The following LRP1B variants were observed in gnomAD, a reference collection of about 807,000 sequenced individuals.
LRP1B encodes LDL receptor related protein 1B.
In LRP1B, 217 loss-of-function variants were observed where a neutral mutation model predicts 556.6. The ratio of observed to expected loss-of-function variants is 0.39; its 90% CI spans 0.35 to 0.44. The LOEUF (loss-of-function observed/expected upper bound fraction) is 0.44. Among genes scored for constraint, LRP1B ranks in the 20% least tolerant of loss-of-function variants. The pLI, the probability that LRP1B is intolerant of heterozygous loss-of-function variation, is 1.00. For synonymous variants in LRP1B, 2,047 were observed against 1,865.8 expected (o/e 1.10, Z -2.50); for missense variants, 5,053 against 5,620.8 (o/e 0.90, Z 3.23).
chr2:140,639,080 TC>T (rs1205075973), intron 41 of LRP1B, among the ~76,000 whole-genome samples: 4 of 152,144 alleles, frequency 2.6e-5, no homozygotes, highest in African/African-American at 9.7e-5. Context: ...AGCGATATAT[TC>T]TTGAGAGGCA....
chr2:141,494,515 C>T (rs56875147), intron 2 of LRP1B, among the ~76,000 whole-genome samples: 8,424 of 151,840 alleles, frequency 0.055, 273 homozygotes, highest in Non-Finnish European at 0.067. Flanking sequence ...TGCCTCAGTG[C>T]GCTAAATATT....
In LRP1B at chr2:140,457,671, G is replaced by T; in HGVS notation, c.9626-20C>A. On this transcript the variant is annotated intron_variant, in intron 60 of 90. Transcript: ENST00000389484. ...TAGGGACTGTAATAGGAGATGGTAAGATTAATGTTCAGTCTTGGAAGACTG... is the reference window on the plus strand; with the variant it reads ...TAGGGACTGTAATAGGAGATGGTAATATTAATGTTCAGTCTTGGAAGACTG... 6.3e-7 allele frequency: 1 copy of T among 1,592,138 alleles called. No homozygotes were observed. Among genetic ancestry groups the T allele is most frequent in the South Asian group, 1.1e-5 (1 of 90,410 alleles).
chr2:141,390,235 A>C (rs1230290789), intron 3 of LRP1B, among the ~76,000 whole-genome samples: 1 of 152,148 alleles, frequency 6.6e-6, no homozygotes, highest in Admixed American at 6.5e-5. Flanking sequence ...AATCAAAACT[A>C]CAATAAGGTG....
intron 66 of LRP1B, among the ~76,000 whole-genome samples, chr2:140,394,709 T>G (rs1046817996): frequency 1.3e-5 from 2 of 152,112 alleles, no homozygotes; most frequent in African/African-American, 2.4e-5. Flanking sequence ...AGAGGTAAAG[T>G]TCTGTGTCTA....
intron 2 of LRP1B, among the ~76,000 whole-genome samples, chr2:141,630,713 G>T (rs989225998): frequency 1.3e-5 from 2 of 152,202 alleles, no homozygotes; most frequent in African/African-American, 4.8e-5. Context: ...AGGAGCATCT[G>T]TAGCTGGTTA....
At chr2:140,815,865 CTCTTTT>C (rs1691101853) in intron 31 of LRP1B, among the ~76,000 whole-genome samples, 1 of 66,456 alleles carries the variant, frequency 1.5e-5, no homozygotes, top group Non-Finnish European at 4.1e-5. Flanking sequence ...AATGTTGTCT[CTCTTTT>C]TTTTTTTTTT....
At chr2:141,249,930 C>T (rs537975613) in intron 4 of LRP1B, among the ~76,000 whole-genome samples, 7 of 152,140 alleles carry the variant, frequency 4.6e-5, no homozygotes, top group African/African-American at 1.7e-4. Context: ...AAACTTAGAC[C>T]TATTAACAGA....
At chr2:140,911,387 T>C (rs1694414053) in intron 21 of LRP1B, among the ~76,000 whole-genome samples, 1 of 151,782 alleles carries the variant, frequency 6.6e-6, no homozygotes, top group Non-Finnish European at 1.5e-5. Flanking sequence ...CATTGAATAC[T>C]CTTGTGCTGC....
chr2:140,510,059 G>A lies in LRP1B; in HGVS notation c.8270-3C>T, dbSNP rs772663069. The A allele has an allele frequency of 1.2e-6, 2 of 1,612,390 alleles. No individual in the cohort carries two copies. Among genetic ancestry groups the A allele is most frequent in the East Asian group, 4.5e-5 (2 of 44,856 alleles). On this transcript the variant is annotated splice_region_variant and splice_polypyrimidine_tract_variant and intron_variant, in intron 51 of 90. Coordinates refer to ENST00000389484, the MANE Select transcript of LRP1B (RefSeq NM_018557.3). ...GTCAGCAGCACAGGTTATGGCACCT[G>A]AAACACAAAAACATAATGCCATTAA...
chr2:140,630,745 A>G (rs1683851222), intron 41 of LRP1B, among the ~76,000 whole-genome samples: 1 of 152,234 alleles, frequency 6.6e-6, no homozygotes, highest in East Asian at 1.9e-4. Flanking sequence ...ATTCTCAATT[A>G]CAAAGAACTT....
At chr2:140,565,367 T>C (rs1476167112) in intron 43 of LRP1B, among the ~76,000 whole-genome samples, 1 of 151,832 alleles carries the variant, frequency 6.6e-6, no homozygotes, top group East Asian at 1.9e-4. Context: ...TGTTTGAAAA[T>C]TAGGATTTAA....
chr2:141,250,346 T>C (rs1265011965), intron 4 of LRP1B, among the ~76,000 whole-genome samples: 1 of 152,046 alleles, frequency 6.6e-6, no homozygotes, highest in African/African-American at 2.4e-5. Context: ...CAGCCCCATC[T>C]CCTGACCTCC....
intron 45 of LRP1B, among the ~76,000 whole-genome samples, chr2:140,537,343 T>C (rs1051208244): frequency 1.3e-5 from 2 of 151,814 alleles, no homozygotes; most frequent in Non-Finnish European, 2.9e-5. Context: ...ATACTACTAT[T>C]TTTCAGTGCA....
chr2:140,362,793 CA>C (rs1202704391), intron 72 of LRP1B, among the ~76,000 whole-genome samples: 6 of 151,650 alleles, frequency 4.0e-5, no homozygotes, highest in Non-Finnish European at 1.5e-5. Context: ...CATACTTTTA[CA>C]AATTACTATA....
At chr2:140,962,287 A>G (rs1309941718) in intron 18 of LRP1B, among the ~76,000 whole-genome samples, 6 of 152,156 alleles carry the variant, frequency 3.9e-5, no homozygotes, top group Non-Finnish European at 8.8e-5. Context: ...TTTGCACACC[A>G]CAACCACTAT....
chr2:140,906,863 A>T (rs1004000156), intron 22 of LRP1B, among the ~76,000 whole-genome samples: 6 of 151,312 alleles, frequency 4.0e-5, no homozygotes, highest in Admixed American at 6.6e-5. Context: ...TTTGTTCTTA[A>T]TTTTTTTGTG....
chr2:141,057,239 A>G (rs1035740450), intron 9 of LRP1B, among the ~76,000 whole-genome samples: 3 of 151,874 alleles, frequency 2.0e-5, no homozygotes, highest in Non-Finnish European at 4.4e-5. Flanking sequence ...CTAAAAGTAT[A>G]AGCAAAAGTT....
intron 41 of LRP1B, among the ~76,000 whole-genome samples, chr2:140,688,345 T>A (rs966623006): frequency 2.8e-4 from 43 of 152,296 alleles, no homozygotes; most frequent in African/African-American, 9.9e-4. Flanking sequence ...TATTAAATAA[T>A]CCTTTCCCAT....
intron 31 of LRP1B, among the ~76,000 whole-genome samples, chr2:140,833,015 A>G (rs571777111): frequency 6.6e-6 from 1 of 152,282 alleles, no homozygotes; most frequent in South Asian, 2.1e-4. Flanking sequence ...TTATCATTAT[A>G]TATCAGTTAG....
Sources: allele counts gnomAD v4.1 joint callset (sites outside exome capture counted in the v4.1 genomes callset), GRCh38; gene constraint gnomAD v4.1.1; transcripts MANE v1.5; gene names NCBI Gene and HGNC (gene_info 2026-07-23, HGNC 2026-07-21).